Variants in ASTN2 observed in about 807,000 individuals in gnomAD.
The protein encoded by ASTN2 is astrotactin-2.
Under a neutral mutation model 139.8 loss-of-function variants are expected in ASTN2, and 54 were observed. That is an observed-to-expected ratio of 0.39 (90% CI 0.31 to 0.48). ASTN2 has a LOEUF of 0.48. Ranked by LOEUF, ASTN2 falls within the 20% of genes least tolerant of loss-of-function variation. The probability of loss-of-function intolerance (pLI) is 0.95; values close to 1 mark genes in which losing one functional copy is unlikely to be tolerated. For synonymous variants in ASTN2, 756 were observed against 719.5 expected, an observed-to-expected ratio of 1.05 and a Z score of -0.81; for missense variants, 1,565 against 1,725.1, an observed-to-expected ratio of 0.91 and a Z score of 1.64.
chr9:117,209,470 T>C (rs1277489215), intron 3 of ASTN2, among the ~76,000 whole-genome samples: 12 of 152,046 alleles, frequency 7.9e-5, no homozygotes, highest in Admixed American at 7.9e-4. Context: ...GGATATTATA[T>C]GATAATAAAG....
At chr9:116,507,137 T>C (rs1313609613) in intron 19 of ASTN2, among the ~76,000 whole-genome samples, 1 of 152,182 alleles carries the variant, frequency 6.6e-6, no homozygotes, top group East Asian at 1.9e-4. Context: ...ATGCTCATTT[T>C]GAAGATGAAG....
intron 10 of ASTN2, among the ~76,000 whole-genome samples, chr9:116,921,500 A>G (rs948604298): frequency 2.0e-5 from 3 of 150,356 alleles, no homozygotes; most frequent in Non-Finnish European, 3.0e-5. Context: ...AGGCAGGAGA[A>G]TGGTGTGAAC....
intron 13 of ASTN2, among the ~76,000 whole-genome samples, chr9:116,798,876 C>T (rs996030611): frequency 5.3e-5 from 8 of 152,180 alleles, no homozygotes; most frequent in Non-Finnish European, 1.0e-4. Context: ...TAAAAACTTT[C>T]ACAGTCAGGC....
chr9:117,207,958 G>A (rs1222764500), intron 3 of ASTN2, among the ~76,000 whole-genome samples: 2 of 152,150 alleles, frequency 1.3e-5, no homozygotes, highest in African/African-American at 4.8e-5. Context: ...TAAAATCCAG[G>A]ACAGCACAAC....
intron 1 of ASTN2, among the ~76,000 whole-genome samples, chr9:117,332,073 C>A (rs865948454): frequency 6.6e-6 from 1 of 152,034 alleles, no homozygotes; most frequent in Non-Finnish European, 1.5e-5. Flanking sequence ...CTCCCCACCA[C>A]CAAGGAAATG....
chr9:117,140,090 G>T (rs1232497074), intron 4 of ASTN2, among the ~76,000 whole-genome samples: 1 of 152,120 alleles, frequency 6.6e-6, no homozygotes. Flanking sequence ...TGCTTCATAG[G>T]GTTGCTGTGA....
chr9:116,806,059 C>T (rs575246144), intron 12 of ASTN2, among the ~76,000 whole-genome samples: 11 of 152,266 alleles, frequency 7.2e-5, no homozygotes, highest in East Asian at 1.9e-4. Flanking sequence ...GGGACACCAG[C>T]GTGCACGTTC....
chr9:116,505,278 A>C (rs2119158340), intron 19 of ASTN2, among the ~76,000 whole-genome samples: 1 of 151,970 alleles, frequency 6.6e-6, no homozygotes, highest in South Asian at 2.1e-4. Flanking sequence ...TAGATCATGA[A>C]TCCAGGGAGT....
chr9:116,779,935 T>A (rs1830174764), intron 13 of ASTN2, among the ~76,000 whole-genome samples: 1 of 152,204 alleles, frequency 6.6e-6, no homozygotes, highest in African/African-American at 2.4e-5. Context: ...ATTTACACAC[T>A]TATTATCTAC....
intron 2 of ASTN2, among the ~76,000 whole-genome samples, chr9:117,280,524 A>G (rs906930214): frequency 3.9e-5 from 6 of 152,192 alleles, no homozygotes; most frequent in African/African-American, 1.4e-4. Flanking sequence ...AGAATGTAGT[A>G]TGGAGGCGGA....
Position 116,486,336 on chromosome 9 carries a change from T to C in ASTN2, c.3497+1023A>G, listed in dbSNP as rs533737385. On this transcript the variant is annotated intron_variant, in intron 20 of 22. Coordinates refer to ENST00000313400, the MANE Select transcript of ASTN2 (RefSeq NM_001365068.1). ...ATGAATTAGTAAATGAATATGTGAA[T>C]GAAGTAATTGATGAATGAATAAATT... is the stretch of plus-strand genomic sequence containing the variant. 2.6e-5 allele frequency among the ~76,000 whole-genome samples: 4 copies of C among 152,274 alleles called. No homozygotes were observed. In the East Asian group the frequency reaches 7.7e-4, roughly 29 times the overall value.
At chr9:116,447,372 A>G (rs1281311451) in intron 20 of ASTN2, among the ~76,000 whole-genome samples, 1 of 152,110 alleles carries the variant, frequency 6.6e-6, no homozygotes, top group East Asian at 1.9e-4. Flanking sequence ...TGAGTATGTG[A>G]TTGTCTTCAG....
intron 5 of ASTN2, among the ~76,000 whole-genome samples, chr9:117,084,490 C>T (rs1408899674): frequency 1.3e-5 from 2 of 152,176 alleles, no homozygotes; most frequent in Non-Finnish European, 2.9e-5. Context: ...CAATTCAAGC[C>T]ACAGCTACGC....
chr9:117,195,272 A>C (rs1302043417), intron 3 of ASTN2, among the ~76,000 whole-genome samples: 3 of 152,204 alleles, frequency 2.0e-5, no homozygotes, highest in Non-Finnish European at 2.9e-5. Flanking sequence ...ATGCCCTGAC[A>C]GATTGGGGAA....
chr9:117,384,849 G>A (rs1440664635), intron 1 of ASTN2, among the ~76,000 whole-genome samples: 2 of 152,190 alleles, frequency 1.3e-5, no homozygotes, highest in African/African-American at 2.4e-5. Context: ...TGGATGAAGG[G>A]GTGGAAGGGA....
chr9:116,960,604 G>A (rs1260154440), intron 10 of ASTN2, among the ~76,000 whole-genome samples: 1 of 151,680 alleles, frequency 6.6e-6, no homozygotes, highest in Non-Finnish European at 1.5e-5. Flanking sequence ...AGGGTGTTTA[G>A]CAATATCCCT....
At position 117,365,234 on chromosome 9, in the gene ASTN2, C is replaced by G. The variant is rs541684046; in HGVS notation, c.442+49263G>C. On this transcript the variant is annotated intron_variant, in intron 1 of 22. Coordinates refer to ENST00000313400, the MANE Select transcript of ASTN2 (RefSeq NM_001365068.1). ...AGGAAGGAAGGAAGGAAAAAGAAAG[C>G]AAGAAAGAAAGAGAGAGAGAAACAG... is the stretch of plus-strand genomic sequence containing the variant. 1.7e-4 allele frequency among the ~76,000 whole-genome samples: 16 copies of G among 96,256 alleles called. No individual in the cohort carries two copies. The South Asian group carries it at 5.4e-3, about 32-fold the overall frequency. The allele number at this position is 96,256 out of a possible 152,430, so 63.1% of individuals were successfully genotyped here.
intron 10 of ASTN2, among the ~76,000 whole-genome samples, chr9:116,898,701 G>T (rs554511817): frequency 3.9e-5 from 6 of 152,154 alleles, no homozygotes; most frequent in African/African-American, 1.4e-4. Context: ...ACAGGGTCTC[G>T]CTATGTTGTA....
intron 10 of ASTN2, among the ~76,000 whole-genome samples, chr9:116,946,902 ACTAGCCTGAGTGGC>A (rs1380154919): frequency 6.9e-6 from 1 of 145,358 alleles, no homozygotes; most frequent in Non-Finnish European, 1.5e-5. Flanking sequence ...AGAGGATTCA[ACTAGCCTGAGTGGC>A]CACAAGTACA....
Sources: gnomAD v4.1 joint callset for allele counts (sites outside exome capture counted in the v4.1 genomes callset) on GRCh38, gnomAD v4.1.1 for gene constraint, MANE v1.5 for transcripts, NCBI Gene and HGNC (gene_info 2026-07-23, HGNC 2026-07-21) for gene names.